Variants in ACAD8 observed in about 807,000 individuals in gnomAD.
ACAD8 encodes acyl-CoA dehydrogenase family member 8.
In ACAD8, 47 loss-of-function variants were observed where a neutral mutation model predicts 53.1. The ratio of observed to expected loss-of-function variants is 0.89; its 90% CI spans 0.70 to 1.13. The LOEUF (loss-of-function observed/expected upper bound fraction) is 1.13. Among genes scored for constraint, ACAD8 ranks in the 50% most tolerant of loss-of-function variants. The pLI, the probability that ACAD8 is intolerant of heterozygous loss-of-function variation, is 0.00. For missense variants in ACAD8, 494 were observed against 535.0 expected, an observed-to-expected ratio of 0.92 and a Z score of 0.76; for synonymous variants, 198 against 201.3, an observed-to-expected ratio of 0.98 and a Z score of 0.14.
chr11:134,254,939 G>A (rs1355893238), intron 1 of ACAD8, among the ~76,000 whole-genome samples: 1 of 152,148 alleles, frequency 6.6e-6, no homozygotes, highest in Non-Finnish European at 1.5e-5. Context: ...TTCCTTCTGG[G>A]AACTTGTGTT....
At position 134,265,068 on chromosome 11, in the gene ACAD8, G is replaced by A. The variant is rs1482636731; in HGVS notation, c.*108G>A. The A allele has an allele frequency of 2.4e-6, 3 of 1,274,362 alleles. No individual in the cohort carries two copies. The highest frequency in any genetic ancestry group is 3.4e-5 in the Admixed American group (2 of 59,438). 78.9% of individuals were successfully genotyped at this position (1,274,362 alleles called of 1,614,324 possible). On this transcript the variant is annotated 3_prime_UTR_variant, in exon 11 of 11. Coordinates refer to ENST00000281182, the MANE Select transcript of ACAD8 (RefSeq NM_014384.3). ...GAATCATGGATTAGACCCAAGGGCT[G>A]AGCTCCTCTAGGGCAGGACCTGCAC...
intron 3 of ACAD8, 25 bp downstream of exon 3, chr11:134,257,282 C>T (rs1312473631): frequency 6.2e-7 from 1 of 1,613,506 alleles, no homozygotes. Context: ...TTGGAAGGCA[C>T]AATGAAGTGC....
At chr11:134,258,453 A>G in intron 3 of ACAD8, 62 bp from the exon 4 acceptor site, 2 of 1,139,720 alleles carry the variant, frequency 1.8e-6, no homozygotes, top group Non-Finnish European at 2.6e-6. Context: ...CTTCTCCCCC[A>G]TTTTTTTTTC....
chr11:134,258,998 CCCT>C lies in ACAD8; in HGVS notation c.491-5_491-3del. 2 of 1,613,014 alleles carry C rather than the reference CCCT, an allele frequency of 1.2e-6. No individual in the cohort carries two copies. Among genetic ancestry groups the C allele is most frequent in the Non-Finnish European group, 8.5e-7 (1 of 1,179,024 alleles). Reference sequence around the variant, plus strand: ...CACCTTCTCTCTGCTGCCTTTTGATCCCTCCTCAGGAAGTGGGAGTGATGCTGC... The same window carrying C: ...CACCTTCTCTCTGCTGCCTTTTGATCCCTCAGGAAGTGGGAGTGATGCTGC... On this transcript the variant is annotated splice_polypyrimidine_tract_variant and splice_region_variant and intron_variant, in intron 4 of 10. Coordinates refer to ENST00000281182, the MANE Select transcript of ACAD8 (RefSeq NM_014384.3).
At chr11:134,257,380 G>A (rs994657016) in intron 3 of ACAD8, 123 bp downstream of exon 3, 1 of 1,277,748 alleles carries the variant, frequency 7.8e-7, no homozygotes, top group Non-Finnish European at 1.1e-6. Flanking sequence ...GGACTTAAAA[G>A]TACACTCTAG....
Position 134,265,321 on chromosome 11 carries a change from G to A in ACAD8, c.*361G>A. On this transcript the variant is annotated 3_prime_UTR_variant, in exon 11 of 11. Transcript: ENST00000281182. ...TAGTTCACTGGATCCCTCCTCTAGG[G>A]GCCTGGGGACTTTCACTGATGCTCT... 3.8e-6 allele frequency: 1 copy of A among 266,602 alleles called. No individual in the cohort carries two copies. The highest frequency in any genetic ancestry group is 8.2e-5 in the East Asian group (1 of 12,174). The allele number at this position is 266,602 out of a possible 1,614,324, so 16.5% of individuals were successfully genotyped here.
rs570853780 is a variant in ACAD8 at position 134,257,799 on chromosome 11, T to C, written c.380+542T>C. ...CTTTCTCAGAAATCTTATTTTGAGCTGGTACCAGGAGACTTCTCCAATAGA... is the reference window on the plus strand; with the variant it reads ...CTTTCTCAGAAATCTTATTTTGAGCCGGTACCAGGAGACTTCTCCAATAGA... On this transcript the variant is annotated intron_variant, in intron 3 of 10. Transcript: ENST00000281182. The C allele has an allele frequency of 2.7e-5, 5 of 181,850 alleles. No individual in the cohort carries two copies. In the South Asian group the frequency reaches 5.6e-4, roughly 20 times the overall value. The allele number at this position is 181,850 out of a possible 1,614,324, so 11.3% of individuals were successfully genotyped here.
intron 3 of ACAD8, chr11:134,257,734 C>G: frequency 4.4e-6 from 1 of 225,874 alleles, no homozygotes; most frequent in Non-Finnish European, 8.9e-6. Context: ...GGACTTGATT[C>G]TGTCATCCTG....
intron 10 of ACAD8, chr11:134,263,204 G>A (rs1940004949): frequency 2.9e-6 from 3 of 1,019,728 alleles, no homozygotes; most frequent in African/African-American, 3.5e-5. Context: ...CAGCCAGTGC[G>A]GAAGTCTTGA....
Position 134,261,123 on chromosome 11 carries a change from A to C in ACAD8, c.785A>C (p.Glu262Ala), listed in dbSNP as rs1339951708. The part of the protein sequence containing the change: ...AVPVANRIGS[E>A]GQGFLIAVRG... ...CCTGTGGCCAACAGAATTGGGAGCG[A>C]GGGGCAGGGCTTCCTCATTGCCGTG... The change falls in exon 7 of 11, where the codon GAG becomes GCG. Residue 262 changes from glutamate (E) to alanine (A), a missense_variant. Physicochemically the swap from Glu to Ala is moderately radical, Grantham distance 107. Transcript: ENST00000281182. The surrounding 1 kb of genome is among the most constrained non-coding windows in gnomAD (Gnocchi z 4.2). The C allele has an allele frequency of 6.2e-7, 1 of 1,612,042 alleles. No individual in the cohort carries two copies.
rs561907589 is a variant in ACAD8 at position 134,265,311 on chromosome 11, C to G, written c.*351C>G. ...TGCATTTTACTAGTTCACTGGATCC[C>G]TCCTCTAGGGGCCTGGGGACTTTCA... On this transcript the variant is annotated 3_prime_UTR_variant, in exon 11 of 11. Coordinates refer to ENST00000281182, the MANE Select transcript of ACAD8 (RefSeq NM_014384.3). 4.1e-5 allele frequency: 12 copies of G among 294,486 alleles called. No individual in the cohort carries two copies. In the East Asian group the frequency reaches 5.7e-4, roughly 14 times the overall value. The allele number at this position is 294,486 out of a possible 1,614,324, so 18.2% of individuals were successfully genotyped here.
In ACAD8 at chr11:134,261,659, A is replaced by G. The variant is rs2136083095; in HGVS notation, c.940-79A>G. On this transcript the variant is annotated intron_variant, in intron 8 of 10. Transcript: ENST00000281182. The surrounding 1 kb of genome is among the most constrained non-coding windows in gnomAD (Gnocchi z 4.2). ...ATCACTTAGAAAAGGCGCCTCCGAGATGTCTTACCGAGGCTCCTGCACCAG... is the reference window on the plus strand; with the variant it reads ...ATCACTTAGAAAAGGCGCCTCCGAGGTGTCTTACCGAGGCTCCTGCACCAG... 6.2e-7 allele frequency: 1 copy of G among 1,603,776 alleles called. No individual in the cohort carries two copies. The highest frequency in any genetic ancestry group is 2.2e-5 in the East Asian group (1 of 44,862).
Position 134,259,640 on chromosome 11 carries a change from C to G in ACAD8, c.600C>G (p.Ile200Met). The G allele has an allele frequency of 6.2e-7, 1 of 1,614,210 alleles. No homozygotes were observed. Among genetic ancestry groups the G allele is most frequent in the Non-Finnish European group, 8.5e-7 (1 of 1,180,040 alleles). ...AFISGAGESD[I>M]YVVMCRTGGP... Reference sequence around the variant, plus strand: ...TCAGTGGTGCTGGTGAGTCAGACATCTATGTGGTCATGTGCCGAACAGGAG... The same window carrying G: ...TCAGTGGTGCTGGTGAGTCAGACATGTATGTGGTCATGTGCCGAACAGGAG... Residue 200 changes from isoleucine (I) to methionine (M), a missense_variant, in exon 6 of 11, where the codon ATC becomes ATG. By Grantham distance (10) the Ile-to-Met change is conservative. Transcript: ENST00000281182.
At position 134,258,680 on chromosome 11, in the gene ACAD8, T is replaced by C. The variant is rs970379928; in HGVS notation, c.490+56T>C. On this transcript the variant is annotated intron_variant, in intron 4 of 10. Transcript: ENST00000281182. ...CAGGGAGAGATGCTTCCTGCTCAGA[T>C]GGCATTACCGAGCACTCCTTCCAGC... 3 of 1,307,494 alleles carry C rather than the reference T, an allele frequency of 2.3e-6. No homozygotes were observed. The African/African-American group carries it at 4.4e-5, about 19-fold the overall frequency. The allele number at this position is 1,307,494 out of a possible 1,614,324, so 81.0% of individuals were successfully genotyped here. A position where few individuals can be genotyped will look rare whatever the true frequency, so the allele number is the denominator to read the frequency against.
rs1385656869 is a variant in ACAD8, at chr11:134,261,718, C to T, written c.940-20C>T. 2 of 1,612,768 alleles carry T rather than the reference C, an allele frequency of 1.2e-6. No individual in the cohort carries two copies. Among genetic ancestry groups the T allele is most frequent in the Non-Finnish European group, 1.7e-6 (2 of 1,180,010 alleles). ...CTAAGCCCCTCAGTCTTGTCTGGTT[C>T]TCTGCTCCCTGTGCTGCAGTACTTG... On this transcript the variant is annotated intron_variant, in intron 8 of 10. Coordinates refer to ENST00000281182, the MANE Select transcript of ACAD8 (RefSeq NM_014384.3). This position sits in a 1 kb window ranked among gnomAD's most constrained non-coding sequence, Gnocchi z 4.2.
In ACAD8 at chr11:134,261,680, A is replaced by G. The variant is rs1482360372; in HGVS notation, c.940-58A>G. ...CGAGATGTCTTACCGAGGCTCCTGC[A>G]CCAGGTGCTGGTCTAAGCCCCTCAG... On this transcript the variant is annotated intron_variant, in intron 8 of 10. Coordinates refer to ENST00000281182, the MANE Select transcript of ACAD8 (RefSeq NM_014384.3). This position sits in a 1 kb window ranked among gnomAD's most constrained non-coding sequence, Gnocchi z 4.2. The G allele has an allele frequency of 2.5e-6, 4 of 1,608,424 alleles. No individual in the cohort carries two copies. The highest frequency in any genetic ancestry group is 3.4e-6 in the Non-Finnish European group (4 of 1,179,806).
In ACAD8 at chr11:134,261,417, C is replaced by T. The variant is rs775598743; in HGVS notation, c.939+45C>T. 1 of 1,598,922 alleles carries T rather than the reference C, an allele frequency of 6.3e-7. No individual in the cohort carries two copies. Among genetic ancestry groups the T allele is most frequent in the Non-Finnish European group, 8.6e-7 (1 of 1,166,350 alleles). On this transcript the variant is annotated intron_variant, in intron 8 of 10. Coordinates refer to ENST00000281182, the MANE Select transcript of ACAD8 (RefSeq NM_014384.3). The surrounding 1 kb of genome is among the most constrained non-coding windows in gnomAD (Gnocchi z 4.2). ...CACATGGCTTTGCACTATTTGCAGC[C>T]CGGGACCTGCTCTAGGGCCCACATT... is the stretch of plus-strand genomic sequence containing the variant.
In ACAD8 at chr11:134,259,002, C is replaced by T. The variant is rs772337149; in HGVS notation, c.491-6C>T. On this transcript the variant is annotated splice_region_variant and splice_polypyrimidine_tract_variant and intron_variant, in intron 4 of 10. Coordinates refer to ENST00000281182, the MANE Select transcript of ACAD8 (RefSeq NM_014384.3). ...TTCTCTCTGCTGCCTTTTGATCCCTCCTCAGGAAGTGGGAGTGATGCTGCC... is the reference window on the plus strand; with the variant it reads ...TTCTCTCTGCTGCCTTTTGATCCCTTCTCAGGAAGTGGGAGTGATGCTGCC... 1.7e-5 allele frequency: 27 copies of T among 1,613,686 alleles called. 1 individual carries two copies. The East Asian group carries it at 5.8e-4, about 35-fold the overall frequency.
In ACAD8 at chr11:134,261,502, G is replaced by A. The variant is rs80196201; in HGVS notation, c.939+130G>A. 3.9e-3 allele frequency: 5,878 copies of A among 1,502,806 alleles called. 186 individuals are homozygous for A. The African/African-American group carries it at 0.072, about 19-fold the overall frequency. The allele number at this position is 1,502,806 out of a possible 1,614,324, so 93.1% of individuals were successfully genotyped here. ...CCCACCACTGTCCTAGCCAGAGCTT[G>A]TGCTTTATTTCTGTCCATCTTTTCT... On this transcript the variant is annotated intron_variant, in intron 8 of 10. Coordinates refer to ENST00000281182, the MANE Select transcript of ACAD8 (RefSeq NM_014384.3). The surrounding 1 kb of genome is among the most constrained non-coding windows in gnomAD (Gnocchi z 4.2).
Sources: gnomAD v4.1 joint callset for allele counts (sites outside exome capture counted in the v4.1 genomes callset) on GRCh38, gnomAD v4.1.1 for gene constraint, Gnocchi (gnomAD v3.1) non-coding constraint, MANE v1.5 for transcripts, NCBI Gene and HGNC (gene_info 2026-07-23, HGNC 2026-07-21) for gene names.